ASAH1: variants seen among roughly 807,000 people sequenced by gnomAD.
ASAH1 encodes the protein N-acylsphingosine amidohydrolase 1.
ASAH1 carries 70 observed loss-of-function variants against 59.5 expected under a neutral mutation model. The observed-to-expected ratio is 1.18, with a 90% CI of 0.97 to 1.43. The LOEUF is 1.43. Among genes scored for constraint, ASAH1 ranks in the 40% most tolerant of loss-of-function variants. ASAH1 has a pLI of 0.00. For missense variants in ASAH1, 660 were observed against 482.5 expected, an observed-to-expected ratio of 1.37 and a Z score of -3.45; for synonymous variants, 213 against 166.5, an observed-to-expected ratio of 1.28 and a Z score of -2.15.
At chr8:18,077,471 T>G (rs957565386) in intron 1 of ASAH1, among the ~76,000 whole-genome samples, 4 of 152,238 alleles carry the variant, frequency 2.6e-5, no homozygotes, top group African/African-American at 9.6e-5. Context: ...TGTAGTTGTT[T>G]TATACAGATG....
intron 1 of ASAH1, among the ~76,000 whole-genome samples, chr8:18,082,180 A>G (rs937815558): frequency 6.6e-6 from 1 of 152,172 alleles, no homozygotes; most frequent in African/African-American, 2.4e-5. Context: ...GCCAGACTAG[A>G]CTTTGATAAT....
chr8:18,065,908 GTGTA>G (rs1159955612), intron 5 of ASAH1: 113 of 149,008 alleles, frequency 7.6e-4, no homozygotes, highest in African/African-American at 2.7e-3. Flanking sequence ...GTGTGTGTGT[GTGTA>G]TATATATATG....
intron 2 of ASAH1, among the ~76,000 whole-genome samples, chr8:18,073,552 G>C (rs1206719397): frequency 3.3e-5 from 5 of 152,198 alleles, no homozygotes; most frequent in African/African-American, 1.2e-4. Flanking sequence ...TGAGCAGTGG[G>C]AAAGAAATGC....
At chr8:18,075,696 T>A in intron 1 of ASAH1, 109 bp from the exon 2 acceptor site, 1 of 971,908 alleles carries the variant, frequency 1.0e-6, no homozygotes, top group Non-Finnish European at 1.6e-6. Flanking sequence ...CTGATATTGC[T>A]CTTTTATACG....
intron 1 of ASAH1, among the ~76,000 whole-genome samples, chr8:18,081,055 C>T (rs984263571): frequency 1.3e-5 from 2 of 152,132 alleles, no homozygotes; most frequent in African/African-American, 4.8e-5. Context: ...TCCGAGTGGC[C>T]TGCTGGATGC....
At chr8:18,076,080 T>C (rs1564550694) in intron 1 of ASAH1, 1 of 193,698 alleles carries the variant, frequency 5.2e-6, no homozygotes, top group Non-Finnish European at 1.1e-5. Context: ...ACACTCCCCT[T>C]AGTATTTATA....
chr8:18,071,099 C>T (rs1474701498), intron 3 of ASAH1, among the ~76,000 whole-genome samples: 5 of 151,506 alleles, frequency 3.3e-5, no homozygotes, highest in East Asian at 3.9e-4. Context: ...TCCAGCTACT[C>T]GGGAAGCTGA....
At chr8:18,083,203 AAACGCAG>A (rs1564556644) in intron 1 of ASAH1, 1 of 152,256 alleles carries the variant, frequency 6.6e-6, no homozygotes, top group Non-Finnish European at 1.5e-5. Context: ...TGGCAAAGAC[AAACGCAG>A]TCTGATTGCT....
chr8:18,057,404 C>A lies in ASAH1; in HGVS notation c.*130G>T. Reference sequence around the variant, plus strand: ...TCATTTGTCAACAGATGGACGAAGACAAGCTATTGACTCAAAGAGAACCTG... The same window carrying A: ...TCATTTGTCAACAGATGGACGAAGAAAAGCTATTGACTCAAAGAGAACCTG... On this transcript the variant is annotated 3_prime_UTR_variant, in exon 14 of 14. Transcript: ENST00000637790. The A allele has an allele frequency of 6.4e-6, 4 of 621,186 alleles. No homozygotes were observed. Among genetic ancestry groups the A allele is most frequent in the Non-Finnish European group, 3.0e-6 (1 of 338,826 alleles). The allele number at this position is 621,186 out of a possible 1,614,324, so 38.5% of individuals were successfully genotyped here.
At position 18,061,412 on chromosome 8, in the gene ASAH1, C is replaced by G; in HGVS notation, c.750G>C (p.Gly250=). ...TTTCCAGAACTGTTCTAGTGAGGAA[C>G]CCTATCCACATGACATCTTTCTTTC... is the stretch of plus-strand genomic sequence containing the variant. ...ILGKKDVMWI[G]FLTRTVLENS... is the part of the protein sequence containing the mutation. The change falls in exon 10 of 14, where the codon GGG becomes GGC. Residue 250 remains glycine (G), a synonymous_variant. Transcript: ENST00000637790. 6.2e-7 allele frequency: 1 copy of G among 1,613,090 alleles called. No individual in the cohort carries two copies. Among genetic ancestry groups the G allele is most frequent in the Non-Finnish European group, 8.5e-7 (1 of 1,179,012 alleles).
At chr8:18,070,658 G>C (rs1009458403) in intron 3 of ASAH1, among the ~76,000 whole-genome samples, 3 of 152,148 alleles carry the variant, frequency 2.0e-5, no homozygotes, top group African/African-American at 4.8e-5. Context: ...TTATTTACAT[G>C]AAGGGAGATG....
chr8:18,072,127 C>T (rs1237766979), intron 2 of ASAH1, among the ~76,000 whole-genome samples: 1 of 152,174 alleles, frequency 6.6e-6, no homozygotes, highest in African/African-American at 2.4e-5. Context: ...ATTTTTGTTG[C>T]TATAGGAACA....
intron 2 of ASAH1, 150 bp from the exon 3 acceptor site, chr8:18,071,540 C>T: frequency 3.3e-6 from 2 of 608,920 alleles, no homozygotes; most frequent in East Asian, 3.1e-5. Flanking sequence ...AAAGTTCATT[C>T]TCTACCTAGT....
intron 7 of ASAH1, 153 bp from the exon 8 acceptor site, chr8:18,062,576 G>C (rs1564538638): frequency 2.4e-6 from 2 of 832,302 alleles, no homozygotes; most frequent in East Asian, 5.3e-5. Flanking sequence ...TATTTATTCT[G>C]TTTTCCAAAT....
At chr8:18,075,861 T>C (rs2117079461) in intron 1 of ASAH1, 2 of 478,968 alleles carry the variant, frequency 4.2e-6, no homozygotes, top group South Asian at 2.2e-5. Context: ...CGAACAAATG[T>C]AACAAAGTAG....
intron 6 of ASAH1, 143 bp downstream of exon 6, chr8:18,064,314 A>C: frequency 1.4e-6 from 1 of 717,058 alleles, no homozygotes; most frequent in East Asian, 2.7e-5. Context: ...CAATCACAAA[A>C]TTTTACCAAG....
intron 4 of ASAH1, 60 bp from the exon 5 acceptor site, chr8:18,067,358 A>G (rs538225713): frequency 7.7e-6 from 8 of 1,033,672 alleles, no homozygotes; most frequent in Non-Finnish European, 6.4e-6. Context: ...AATATATAAT[A>G]TAATATAAAC....
intron 7 of ASAH1, chr8:18,062,765 C>A: frequency 2.6e-6 from 1 of 390,680 alleles, no homozygotes; most frequent in Non-Finnish European, 4.7e-6. Flanking sequence ...TCAAGCAATC[C>A]ATTTATCTTC....
chr8:18,082,440 G>A (rs959307811), intron 1 of ASAH1: 2 of 152,046 alleles, frequency 1.3e-5, no homozygotes, highest in African/African-American at 2.4e-5. Context: ...TACCTACGTC[G>A]GATAAGATTA....
Sources: allele counts gnomAD v4.1 joint callset (sites outside exome capture counted in the v4.1 genomes callset), GRCh38; gene constraint gnomAD v4.1.1; transcripts MANE v1.5; gene names NCBI Gene and HGNC (gene_info 2026-07-23, HGNC 2026-07-21).